TMEM140: variants seen among roughly 807,000 people sequenced by gnomAD.
The protein encoded by TMEM140 is transmembrane protein 140.
For missense variants in TMEM140, 236 were observed against 228.5 expected (o/e 1.03, Z -0.21); for synonymous variants, 107 against 106.8 (o/e 1.00, Z -0.01).
chr7:135,153,869 A>T (rs1027606350), intron 1 of TMEM140, among the ~76,000 whole-genome samples: 2 of 152,186 alleles, frequency 1.3e-5, no homozygotes, highest in African/African-American at 4.8e-5. Context: ...TCAGTTAGGG[A>T]GAATTCCTTT....
chr7:135,155,529 G>A (rs889567039), intron 1 of TMEM140, among the ~76,000 whole-genome samples: 2 of 152,062 alleles, frequency 1.3e-5, no homozygotes, highest in Non-Finnish European at 2.9e-5. Context: ...TTTTTGTGAT[G>A]GTGAATATCA....
chr7:135,155,507 T>C (rs947248520), intron 1 of TMEM140, among the ~76,000 whole-genome samples: 1 of 152,246 alleles, frequency 6.6e-6, no homozygotes, highest in Non-Finnish European at 1.5e-5. Flanking sequence ...ATGAGTTTTA[T>C]ACTTCTGTAT....
Position 135,164,405 on chromosome 7 carries a change from G to A in TMEM140, c.-24-13G>A. ...AAGGGAGAGATGGACTGACTGCTGTGACTTCCCCGCAGGTCCCCCGGCAGA... is the reference window on the plus strand; with the variant it reads ...AAGGGAGAGATGGACTGACTGCTGTAACTTCCCCGCAGGTCCCCCGGCAGA... On this transcript the variant is annotated splice_polypyrimidine_tract_variant and intron_variant, in intron 1 of 1. Transcript: ENST00000275767. 6.4e-7 allele frequency: 1 copy of A among 1,570,152 alleles called. No homozygotes were observed. The highest frequency in any genetic ancestry group is 8.7e-7 in the Non-Finnish European group (1 of 1,148,138).
At chr7:135,150,793 T>C (rs767489860) in intron 1 of TMEM140, among the ~76,000 whole-genome samples, 7 of 152,152 alleles carry the variant, frequency 4.6e-5, no homozygotes, top group Non-Finnish European at 7.3e-5. Context: ...GAGGCAGAGA[T>C]TGCAGTGAGC....
chr7:135,161,088 G>A lies in TMEM140; in HGVS notation c.-24-3330G>A, dbSNP rs148090892. On this transcript the variant is annotated intron_variant, in intron 1 of 1. Coordinates refer to ENST00000275767, the MANE Select transcript of TMEM140 (RefSeq NM_018295.5). This position sits in a 1 kb window ranked among gnomAD's most constrained non-coding sequence, Gnocchi z 4.1. ...TCCAAGTCGCACCAGATGATGGCGA[G>A]CCTCATAAGAGCTGGGACTGAATAT... is the stretch of plus-strand genomic sequence containing the variant. Among the ~76,000 whole-genome samples, 490 of 152,310 alleles carry A rather than the reference G, an allele frequency of 3.2e-3. 3 individuals are homozygous for A. The highest frequency in any genetic ancestry group is 7.8e-3 in the Admixed American group (119 of 15,298).
Position 135,150,463 on chromosome 7 carries a change from C to T in TMEM140, c.-25+2193C>T, listed in dbSNP as rs544738893. 1.6e-3 allele frequency among the ~76,000 whole-genome samples: 250 copies of T among 152,342 alleles called. 2 individuals are homozygous for T. The highest frequency in any genetic ancestry group is 5.9e-3 in the African/African-American group (247 of 41,582). On this transcript the variant is annotated intron_variant, in intron 1 of 1. Coordinates refer to ENST00000275767, the MANE Select transcript of TMEM140 (RefSeq NM_018295.5). ...GGCACCTGGTTTGTCCTGTGTGGCA[C>T]TGATTCCCCAGGGCCTCTGATTCAG...
At chr7:135,162,426 G>C (rs1012271084) in intron 1 of TMEM140, among the ~76,000 whole-genome samples, 4 of 152,186 alleles carry the variant, frequency 2.6e-5, no homozygotes, top group Non-Finnish European at 2.9e-5. Context: ...TGTTGTATTA[G>C]TCCATTTTCA....
In TMEM140 at chr7:135,161,622, T is replaced by C. The variant is rs1829941778; in HGVS notation, c.-24-2796T>C. Among the ~76,000 whole-genome samples the C allele has an allele frequency of 6.6e-6, 1 of 152,232 alleles. No individual in the cohort carries two copies. The highest frequency in any genetic ancestry group is 2.4e-5 in the African/African-American group (1 of 41,464). On this transcript the variant is annotated intron_variant, in intron 1 of 1. Transcript: ENST00000275767. The surrounding 1 kb of genome is among the most constrained non-coding windows in gnomAD (Gnocchi z 4.1). ...CCCGTCGGCAATTTTTCCCATACCA[T>C]GGACTCAAATGGTTAAAACTCCTTA...
At position 135,155,823 on chromosome 7, in the gene TMEM140, G is replaced by T. The variant is rs563293841; in HGVS notation, c.-25+7553G>T. Among the ~76,000 whole-genome samples, 98 of 152,280 alleles carry T rather than the reference G, an allele frequency of 6.4e-4. 1 individual carries two copies. The South Asian group carries it at 0.019, about 30-fold the overall frequency. On this transcript the variant is annotated intron_variant, in intron 1 of 1. Transcript: ENST00000275767. ...CTGTGATTGCACTACTGTATTCCAG[G>T]TTGAGTGACAAAGCAAGACCCTCTA...
In TMEM140 at chr7:135,151,339, CT is replaced by C. The variant is rs1451766130; in HGVS notation, c.-25+3072del. On this transcript the variant is annotated intron_variant, in intron 1 of 1. Coordinates refer to ENST00000275767, the MANE Select transcript of TMEM140 (RefSeq NM_018295.5). The surrounding 1 kb of genome is among the most constrained non-coding windows in gnomAD (Gnocchi z 4.3). Reference sequence around the variant, plus strand: ...ACCAAAGGAAATATGACACATTTCCCTTTCTTCTTCCCTTTTTATTTTTGTG... The same window carrying C: ...ACCAAAGGAAATATGACACATTTCCCTTCTTCTTCCCTTTTTATTTTTGTG... 3.3e-5 allele frequency among the ~76,000 whole-genome samples: 5 copies of C among 152,110 alleles called. No homozygotes were observed. The highest frequency in any genetic ancestry group is 7.4e-5 in the Non-Finnish European group (5 of 68,022).
Position 135,164,765 on chromosome 7 carries a change from T to G in TMEM140, c.324T>G (p.Ser108Arg). ...PQPLLLAQCN[S>R]DERAWRLAVG... is the part of the protein sequence containing the mutation. ...CTCTCCTCCTAGCCCAGTGCAACAG[T>G]GATGAGAGAGCGTGGCGGCTGGCAG... The change falls in exon 2 of 2, where the codon AGT (serine) becomes AGG (arginine). Residue 108 changes from serine (S) to arginine (R), a missense_variant. Coordinates refer to ENST00000275767, the MANE Select transcript of TMEM140 (RefSeq NM_018295.5). The G allele has an allele frequency of 6.2e-7, 1 of 1,614,156 alleles. No homozygotes were observed. Among genetic ancestry groups the G allele is most frequent in the Non-Finnish European group, 8.5e-7 (1 of 1,180,000 alleles).
chr7:135,159,584 G>C (rs1037677925), intron 1 of TMEM140, among the ~76,000 whole-genome samples: 7 of 152,192 alleles, frequency 4.6e-5, no homozygotes, highest in African/African-American at 7.2e-5. Flanking sequence ...TGCTGACCTG[G>C]AATCTAAATC....
chr7:135,162,591 G>A (rs922263958), intron 1 of TMEM140, among the ~76,000 whole-genome samples: 2 of 152,218 alleles, frequency 1.3e-5, no homozygotes, highest in Non-Finnish European at 2.9e-5. Flanking sequence ...AACATGTGCA[G>A]GGGAAATGCC....
In TMEM140 at chr7:135,165,100, C is replaced by A; in HGVS notation, c.*101C>A. 2 of 1,395,058 alleles carry A rather than the reference C, an allele frequency of 1.4e-6. No homozygotes were observed. The highest frequency in any genetic ancestry group is 1.9e-6 in the Non-Finnish European group (2 of 1,039,056). 86.4% of individuals were successfully genotyped at this position (1,395,058 alleles called of 1,614,324 possible). On this transcript the variant is annotated 3_prime_UTR_variant, in exon 2 of 2. Coordinates refer to ENST00000275767, the MANE Select transcript of TMEM140 (RefSeq NM_018295.5). Reference sequence around the variant, plus strand: ...AGCTAACGCTGATCTCCAGCTCCAGCGATGGAACCCACTACAGAGGAGGTG... The same window carrying A: ...AGCTAACGCTGATCTCCAGCTCCAGAGATGGAACCCACTACAGAGGAGGTG...
Position 135,161,546 on chromosome 7 carries a change from A to G in TMEM140, c.-24-2872A>G, listed in dbSNP as rs1045337672. On this transcript the variant is annotated intron_variant, in intron 1 of 1. Coordinates refer to ENST00000275767, the MANE Select transcript of TMEM140 (RefSeq NM_018295.5). This position sits in a 1 kb window ranked among gnomAD's most constrained non-coding sequence, Gnocchi z 4.1. ...ACCCAAACCCATTAAAAGCACAGAT[A>G]TAGGCTTTTACAAACATTTACTAAA... 1.3e-5 allele frequency among the ~76,000 whole-genome samples: 2 copies of G among 152,234 alleles called. No homozygotes were observed. The highest frequency in any genetic ancestry group is 2.9e-5 in the Non-Finnish European group (2 of 68,040).
At position 135,161,182 on chromosome 7, in the gene TMEM140, TC is replaced by T; in HGVS notation, c.-24-3235del. Among the ~76,000 whole-genome samples, 1 of 152,280 alleles carries T rather than the reference TC, an allele frequency of 6.6e-6. No homozygotes were observed. The highest frequency in any genetic ancestry group is 6.5e-5 in the Admixed American group (1 of 15,296). On this transcript the variant is annotated intron_variant, in intron 1 of 1. Coordinates refer to ENST00000275767, the MANE Select transcript of TMEM140 (RefSeq NM_018295.5). The surrounding 1 kb of genome is among the most constrained non-coding windows in gnomAD (Gnocchi z 4.1). The stretch of plus-strand genomic sequence containing the variant: ...GGCTTCTTGGCTCGTTTTGTTTTGC[TC>T]TACATTAAAAGGTCAGTTGAGAGAA...
Position 135,164,730 on chromosome 7 carries a change from G to GC in TMEM140, c.295dup (p.Gln99ProfsTer11). 3 of 1,614,168 alleles carry GC rather than the reference G, an allele frequency of 1.9e-6. No homozygotes were observed. The highest frequency in any genetic ancestry group is 1.7e-6 in the Non-Finnish European group (2 of 1,180,018). On this transcript the variant is annotated frameshift_variant, in exon 2 of 2. Coordinates refer to ENST00000275767, the MANE Select transcript of TMEM140 (RefSeq NM_018295.5). LOFTEE classifies it low-confidence loss of function (END_TRUNC). The stretch of plus-strand genomic sequence containing the variant: ...CGGGTCCCTGGTCCTCACCCTCTTT[G>GC]CCCCCCAGCCTCTCCTCCTAGCCCA...
At chr7:135,164,191 T>G (rs576763431) in intron 1 of TMEM140, among the ~76,000 whole-genome samples, 1 of 152,230 alleles carries the variant, frequency 6.6e-6, no homozygotes, top group Non-Finnish European at 1.5e-5. Context: ...CAAAGCTGCT[T>G]GGGAGAGACT....
chr7:135,164,800 T>A lies in TMEM140; in HGVS notation c.359T>A (p.Leu120Gln). 2 of 1,614,134 alleles carry A rather than the reference T, an allele frequency of 1.2e-6. No homozygotes were observed. The highest frequency in any genetic ancestry group is 1.7e-6 in the Non-Finnish European group (2 of 1,179,954). The change falls in exon 2 of 2, where the codon CTG becomes CAG. Residue 120 changes from leucine (L) to glutamine (Q), a missense_variant. Transcript: ENST00000275767. ...ERAWRLAVGF[L>Q]AVSSVLLAGG... is the part of the protein sequence containing the mutation. ...GCGTGGCGGCTGGCAGTGGGCTTCC[T>A]GGCTGTGTCCTCTGTGCTGCTGGCA...
Sources: gnomAD v4.1 joint callset for allele counts (sites outside exome capture counted in the v4.1 genomes callset) on GRCh38, gnomAD v4.1.1 for gene constraint, Gnocchi (gnomAD v3.1) non-coding constraint, MANE v1.5 for transcripts, NCBI Gene and HGNC (gene_info 2026-07-23, HGNC 2026-07-21) for gene names.